Variants in ATP5F1A observed in about 807,000 individuals in gnomAD.
The protein encoded by ATP5F1A is ATP synthase F(1) complex subunit alpha, mitochondrial.
Under a neutral mutation model 57.4 loss-of-function variants are expected in ATP5F1A, and 24 were observed. That is an observed-to-expected ratio of 0.42 (90% CI 0.30 to 0.59). ATP5F1A has a LOEUF of 0.59. ATP5F1A is among the 20% of genes least tolerant of loss of function. The probability of loss-of-function intolerance (pLI) is 0.19; values close to 1 mark genes in which losing one functional copy is unlikely to be tolerated. For synonymous variants in ATP5F1A, 251 were observed against 255.5 expected, an observed-to-expected ratio of 0.98 and a Z score of 0.17; for missense variants, 494 against 707.9, an observed-to-expected ratio of 0.70 and a Z score of 3.43.
At position 46,083,517 on chromosome 18, in the gene ATP5F1A, T is replaced by C. The variant is rs1783138868; in HGVS notation, c.*765A>G. ...TCTTCTCAGCTTTTGTTCCAGCAAT[T>C]TTTTCATTTCCCTGAGAATTTTAAC... On this transcript the variant is annotated 3_prime_UTR_variant, in exon 12 of 12. Coordinates refer to ENST00000398752, the MANE Select transcript of ATP5F1A (RefSeq NM_004046.6). The C allele has an allele frequency of 6.6e-6, 1 of 152,196 alleles. No homozygotes were observed. Among genetic ancestry groups the C allele is most frequent in the Admixed American group, 6.6e-5 (1 of 15,258 alleles). The allele number at this position is 152,196 out of a possible 1,614,324, so 9.4% of individuals were successfully genotyped here.
chr18:46,089,416 G>GC lies in ATP5F1A; in HGVS notation c.650+149dup, dbSNP rs1910379396. The GC allele has an allele frequency of 3.3e-6, 3 of 899,410 alleles. No homozygotes were observed. In the South Asian group the frequency reaches 5.2e-5, roughly 15 times the overall value. The allele number at this position is 899,410 out of a possible 1,614,324, so 55.7% of individuals were successfully genotyped here. On this transcript the variant is annotated intron_variant, in intron 5 of 11. Transcript: ENST00000398752. ...AATACCCACAGGTGTGGAGGGGCTGGCCCCCTTCACTTCCCAGCTGAAATT... is the reference window on the plus strand; with the variant it reads ...AATACCCACAGGTGTGGAGGGGCTGGCCCCCCTTCACTTCCCAGCTGAAATT...
chr18:46,086,043 A>T, intron 10 of ATP5F1A, 70 bp downstream of exon 10: 1 of 1,526,150 alleles, frequency 6.6e-7, no homozygotes, highest in Non-Finnish European at 8.9e-7. Flanking sequence ...TATGTGATGC[A>T]GCTCTGTAGG....
rs1419513061 is a variant in ATP5F1A at position 46,083,023 on chromosome 18, C to T, written c.*1259G>A. On this transcript the variant is annotated 3_prime_UTR_variant, in exon 12 of 12. Transcript: ENST00000398752. ...TGAGATTACGCCACTGCTCTCCAGCCTAGGTGACAGAGCAAGACTCTGTCT... is the reference window on the plus strand; with the variant it reads ...TGAGATTACGCCACTGCTCTCCAGCTTAGGTGACAGAGCAAGACTCTGTCT... 1 of 151,656 alleles carries T rather than the reference C, an allele frequency of 6.6e-6. No individual in the cohort carries two copies. Among genetic ancestry groups the T allele is most frequent in the Non-Finnish European group, 1.5e-5 (1 of 67,986 alleles). 9.4% of individuals were successfully genotyped at this position (151,656 alleles called of 1,614,324 possible).
At chr18:46,092,490 C>T (rs1910639153) in intron 2 of ATP5F1A, among the ~76,000 whole-genome samples, 1 of 151,130 alleles carries the variant, frequency 6.6e-6, no homozygotes, top group Non-Finnish European at 1.5e-5. Context: ...TGCCTGTAGT[C>T]CCAGCTACTC....
chr18:46,083,984 C>CAAAAAAAAAAAAAAAAAAAAAAAAAAA lies in ATP5F1A; in HGVS notation c.*297_*298insTTTTTTTTTTTTTTTTTTTTTTTTTTT, dbSNP rs750591064. On this transcript the variant is annotated 3_prime_UTR_variant, in exon 12 of 12. Coordinates refer to ENST00000398752, the MANE Select transcript of ATP5F1A (RefSeq NM_004046.6). ...TCAGTGACAGAGTGAGAATCAGTCTCAAAAAAAAAAACAAAAAAAAAACTT... is the reference window on the plus strand; with the variant it reads ...TCAGTGACAGAGTGAGAATCAGTCTCAAAAAAAAAAAAAAAAAAAAAAAAAAAAAAAAAAAAAACAAAAAAAAAACTT... 9.1e-6 allele frequency: 1 copy of CAAAAAAAAAAAAAAAAAAAAAAAAAAA among 109,856 alleles called. No individual in the cohort carries two copies. The highest frequency in any genetic ancestry group is 1.7e-5 in the Non-Finnish European group (1 of 58,334). 6.8% of individuals were successfully genotyped at this position (109,856 alleles called of 1,614,324 possible).
At position 46,094,186 on chromosome 18, in the gene ATP5F1A, C is replaced by CACACACAT. The variant is rs140950200; in HGVS notation, c.139+866_139+867insATGTGTGT. 2.7e-3 allele frequency among the ~76,000 whole-genome samples: 405 copies of CACACACAT among 151,090 alleles called. 3 individuals are homozygous for CACACACAT. The highest frequency in any genetic ancestry group is 0.01 in the Middle Eastern group (3 of 294). ...ACATACACACACACACACACACACACATATACACACACACTCTCACACACA... is the reference window on the plus strand; with the variant it reads ...ACATACACACACACACACACACACACACACACATATATACACACACACTCTCACACACA... On this transcript the variant is annotated intron_variant, in intron 2 of 11. Coordinates refer to ENST00000398752, the MANE Select transcript of ATP5F1A (RefSeq NM_004046.6).
rs1909820019 is a variant in ATP5F1A, at chr18:46,082,534, A to AT, written c.*1747dup. On this transcript the variant is annotated 3_prime_UTR_variant, in exon 12 of 12. Transcript: ENST00000398752. ...CCCCGCCTCTACTAAAAATACAAAAATTAGCAGGGCATGGTGGTGGGTGCC... is the reference window on the plus strand; with the variant it reads ...CCCCGCCTCTACTAAAAATACAAAAATTTAGCAGGGCATGGTGGTGGGTGCC... 6.6e-6 allele frequency: 1 copy of AT among 151,032 alleles called. No individual in the cohort carries two copies. Among genetic ancestry groups the AT allele is most frequent in the Non-Finnish European group, 1.5e-5 (1 of 67,854 alleles). The allele number at this position is 151,032 out of a possible 1,614,324, so 9.4% of individuals were successfully genotyped here.
chr18:46,084,716 A>G, intron 10 of ATP5F1A, 62 bp from the exon 11 acceptor site: 1 of 1,461,250 alleles, frequency 6.8e-7, no homozygotes, highest in Non-Finnish European at 9.0e-7. Context: ...CATGTTACCA[A>G]GGTCAGGAAA....
At chr18:46,096,276 G>A (rs1004694410) in intron 1 of ATP5F1A, among the ~76,000 whole-genome samples, 1 of 151,728 alleles carries the variant, frequency 6.6e-6, no homozygotes, top group African/African-American at 2.4e-5. Context: ...CAAGGCGGGC[G>A]GATTACCTAA....
At chr18:46,102,869 GC>G (rs1400892829), upstream of ATP5F1A, among the ~76,000 whole-genome samples, 1 of 152,110 alleles carries the variant, frequency 6.6e-6, no homozygotes, top group Non-Finnish European at 1.5e-5. Context: ...GATTGCTTGA[GC>G]CCAGGAGTTC....
At chr18:46,092,223 AATAAT>A (rs1304044994) in intron 2 of ATP5F1A, 26 of 70,660 alleles carry the variant, frequency 3.7e-4, no homozygotes, top group Admixed American at 9.2e-4. Context: ...TAATAATAAT[AATAAT>A]AAAAATCTGG....
chr18:46,096,217 T>C (rs1281882682), intron 1 of ATP5F1A, among the ~76,000 whole-genome samples: 2 of 149,790 alleles, frequency 1.3e-5, no homozygotes, highest in Non-Finnish European at 3.0e-5. Flanking sequence ...AAAGCAACTA[T>C]TGGCAGGGCA....
intron 3 of ATP5F1A, 79 bp downstream of exon 3, chr18:46,091,603 G>T: frequency 7.1e-7 from 1 of 1,399,114 alleles, no homozygotes; most frequent in Non-Finnish European, 9.6e-7. Flanking sequence ...TTAAAAATCT[G>T]ATACAATCTT....
At chr18:46,098,387 C>G (rs1599795541), upstream of ATP5F1A, 1 of 1,305,422 alleles carries the variant, frequency 7.7e-7, no homozygotes, top group African/African-American at 1.5e-5. Flanking sequence ...GCCCCCGCCG[C>G]CACTCTGCAT....
rs931231999 is a variant in ATP5F1A at position 46,086,790 on chromosome 18, T to C, written c.1176+218A>G. The C allele has an allele frequency of 4.8e-5, 30 of 621,846 alleles. No homozygotes were observed. The African/African-American group carries it at 5.3e-4, about 11-fold the overall frequency. 38.5% of individuals were successfully genotyped at this position (621,846 alleles called of 1,614,324 possible). A position where few individuals can be genotyped will look rare whatever the true frequency, so the allele number is the denominator to read the frequency against. On this transcript the variant is annotated intron_variant, in intron 8 of 11. Coordinates refer to ENST00000398752, the MANE Select transcript of ATP5F1A (RefSeq NM_004046.6). ...AAGGGAGAACAGTAGTGGTTAAAAA[T>C]GAAACTAGAACGAAACATGCTACTC...
intron 1 of ATP5F1A, 96 bp from the exon 2 acceptor site, chr18:46,095,227 T>A: frequency 8.9e-7 from 1 of 1,120,214 alleles, no homozygotes; most frequent in Non-Finnish European, 1.3e-6. Flanking sequence ...ATCAAAGTAC[T>A]GGTGAAAATG....
chr18:46,084,822 A>C, intron 10 of ATP5F1A, 168 bp from the exon 11 acceptor site: 1 of 623,346 alleles, frequency 1.6e-6, no homozygotes, highest in Non-Finnish European at 2.5e-6. Context: ...CCTTCCTCCC[A>C]CCCCTGACAG....
rs552943937 is a variant in ATP5F1A, at chr18:46,084,485, CCAA to C, written c.1580+16_1580+18del. The C allele has an allele frequency of 4.5e-5, 71 of 1,577,386 alleles. No homozygotes were observed. The South Asian group carries it at 7.8e-4, about 17-fold the overall frequency. ...TTAAACATAACTTTAAAAAAAGATG[CCAA>C]CAATTGCATTCATACCTGATAGTGC... On this transcript the variant is annotated intron_variant, in intron 11 of 11. Transcript: ENST00000398752.
At chr18:46,086,718 C>T in intron 8 of ATP5F1A, 1 of 595,760 alleles carries the variant, frequency 1.7e-6, no homozygotes, top group Non-Finnish European at 2.9e-6. Flanking sequence ...TACTGAAATA[C>T]ATACAAATGA....
Sources: allele counts gnomAD v4.1 joint callset (sites outside exome capture counted in the v4.1 genomes callset), GRCh38; gene constraint gnomAD v4.1.1; transcripts MANE v1.5; gene names NCBI Gene and HGNC (gene_info 2026-07-23, HGNC 2026-07-21).